ABCC5: variants seen among roughly 807,000 people sequenced by gnomAD.
ABCC5 encodes ATP binding cassette subfamily C member 5, also known as ATP-binding cassette sub-family C member 5.
A neutral mutation model predicts 160.9 loss-of-function variants in ABCC5; 61 were observed. The observed-to-expected ratio is 0.38, with a 90% CI of 0.31 to 0.47. ABCC5 has a LOEUF of 0.47. Among genes scored for constraint, ABCC5 ranks in the 20% least tolerant of loss-of-function variants. ABCC5 has a pLI of 0.99. For missense variants in ABCC5, 1,308 were observed against 1,813.3 expected, an observed-to-expected ratio of 0.72 and a Z score of 5.06; for synonymous variants, 666 against 700.6, an observed-to-expected ratio of 0.95 and a Z score of 0.78.
At chr3:183,972,415 T>C (rs900468076) in intron 10 of ABCC5, among the ~76,000 whole-genome samples, 15 of 152,180 alleles carry the variant, frequency 9.9e-5, no homozygotes, top group African/African-American at 3.1e-4. Flanking sequence ...CAGGCTTACA[T>C]TGCTACCGTC....
At chr3:183,968,357 ACCTCG>A (rs1717420878) in intron 11 of ABCC5, among the ~76,000 whole-genome samples, 2 of 151,766 alleles carry the variant, frequency 1.3e-5, no homozygotes, top group Admixed American at 6.6e-5. Flanking sequence ...TGATCCACCC[ACCTCG>A]GCCTCCCAAA....
chr3:183,926,305 A>C (rs901078335), intron 28 of ABCC5, among the ~76,000 whole-genome samples: 6 of 151,614 alleles, frequency 4.0e-5, no homozygotes, highest in African/African-American at 1.5e-4. Flanking sequence ...TAATCCCAGC[A>C]CTTTGAGAGG....
chr3:183,991,489 G>A (rs1214491250), intron 2 of ABCC5, among the ~76,000 whole-genome samples: 4 of 152,142 alleles, frequency 2.6e-5, no homozygotes, highest in African/African-American at 7.2e-5. Context: ...AGAACTGAAC[G>A]GGTAGAATTT....
intron 2 of ABCC5, among the ~76,000 whole-genome samples, chr3:183,990,232 C>T (rs985006246): frequency 6.6e-6 from 1 of 151,800 alleles, no homozygotes; most frequent in Non-Finnish European, 1.5e-5. Flanking sequence ...TCTCAGCCTC[C>T]GAGTAGGGGG....
intron 2 of ABCC5, among the ~76,000 whole-genome samples, chr3:184,006,101 G>A (rs1218348375): frequency 1.3e-5 from 2 of 151,974 alleles, no homozygotes; most frequent in African/African-American, 4.8e-5. Flanking sequence ...GAGCCCCAGC[G>A]AGCTGTCAAT....
chr3:183,932,298 G>C (rs899141909), intron 26 of ABCC5, among the ~76,000 whole-genome samples: 1 of 152,160 alleles, frequency 6.6e-6, no homozygotes, highest in Non-Finnish European at 1.5e-5. Context: ...GTCAGATTAG[G>C]TGAAAAAAGT....
At chr3:183,986,931 C>T (rs535714220) in intron 5 of ABCC5, 16 of 152,182 alleles carry the variant, frequency 1.1e-4, no homozygotes, top group African/African-American at 3.1e-4. Context: ...CAAGAGGCAT[C>T]AAACGTTAAA....
rs1466487469 is a variant in ABCC5, at chr3:183,942,774, G to A, written c.3647C>T (p.Thr1216Met). 13 of 1,614,002 alleles carry A rather than the reference G, an allele frequency of 8.1e-6. No individual in the cohort carries two copies. The highest frequency in any genetic ancestry group is 2.2e-5 in the East Asian group (1 of 44,896). The change falls in exon 25 of 30, where the codon ACG becomes ATG. Residue 1216 changes from threonine to methionine, a missense_variant. Physicochemically the swap from Thr to Met is moderately conservative, Grantham distance 81. Coordinates refer to ENST00000334444, the MANE Select transcript of ABCC5 (RefSeq NM_005688.4). ...LPLVLKKVSF[T>M]IKPKEKIGIV... is the part of the protein sequence containing the mutation. ...GCCAATCTTCTCTTTAGGTTTGATC[G>A]TGAAGGATACTTTCTTTAGGACGAG...
chr3:183,966,985 A>G (rs1329482288), intron 12 of ABCC5, among the ~76,000 whole-genome samples: 1 of 151,016 alleles, frequency 6.6e-6, no homozygotes, highest in Admixed American at 6.6e-5. Context: ...ATTTAATTCT[A>G]ATGTAAAAGC....
intron 1 of ABCC5, among the ~76,000 whole-genome samples, chr3:184,016,582 T>C (rs1183686940): frequency 1.3e-5 from 2 of 152,242 alleles, no homozygotes; most frequent in African/African-American, 4.8e-5. Context: ...TTTCCCTATC[T>C]TCTCGTGTCC....
intron 18 of ABCC5, 139 bp downstream of exon 18, chr3:183,952,947 T>C (rs1715523540): frequency 1.9e-6 from 2 of 1,048,838 alleles, no homozygotes; most frequent in Admixed American, 2.8e-5. Flanking sequence ...TAGGGACTCA[T>C]CTTTTCATCC....
intron 24 of ABCC5, among the ~76,000 whole-genome samples, chr3:183,943,572 C>T (rs1224166943): frequency 6.6e-6 from 1 of 152,152 alleles, no homozygotes; most frequent in African/African-American, 2.4e-5. Flanking sequence ...CATCAACAAT[C>T]ATATCTCATG....
At position 183,942,773 on chromosome 3, in the gene ABCC5, C is replaced by A. The variant is rs775879277; in HGVS notation, c.3648G>T (p.Thr1216=). The change falls in exon 25 of 30, where the codon ACG becomes ACT. Residue 1216 remains threonine (T), a synonymous_variant. Coordinates refer to ENST00000334444, the MANE Select transcript of ABCC5 (RefSeq NM_005688.4). ...LPLVLKKVSF[T]IKPKEKIGIV... is the part of the protein sequence containing the mutation. Reference sequence around the variant, plus strand: ...TGCCAATCTTCTCTTTAGGTTTGATCGTGAAGGATACTTTCTTTAGGACGA... The same window carrying A: ...TGCCAATCTTCTCTTTAGGTTTGATAGTGAAGGATACTTTCTTTAGGACGA... 5.0e-6 allele frequency: 8 copies of A among 1,614,106 alleles called. No homozygotes were observed. Among genetic ancestry groups the A allele is most frequent in the Admixed American group, 1.7e-5 (1 of 60,002 alleles).
At chr3:183,981,049 G>C (rs1474994953) in intron 8 of ABCC5, among the ~76,000 whole-genome samples, 2 of 152,180 alleles carry the variant, frequency 1.3e-5, no homozygotes, top group African/African-American at 4.8e-5. Flanking sequence ...ATAATGCATT[G>C]ACTGTTTCAC....
At chr3:183,985,619 T>C in intron 5 of ABCC5, 2 of 584,888 alleles carry the variant, frequency 3.4e-6, no homozygotes, top group Non-Finnish European at 6.3e-6. Flanking sequence ...TAATTCTTTA[T>C]ACACAGATCA....
At chr3:184,008,531 A>G (rs117686966) in intron 2 of ABCC5, among the ~76,000 whole-genome samples, 1 of 152,374 alleles carries the variant, frequency 6.6e-6, no homozygotes, top group East Asian at 1.9e-4. Flanking sequence ...GATGCCTGCT[A>G]AGCCTCAAAT....
At chr3:183,930,369 TG>T (rs1713061679) in intron 26 of ABCC5, among the ~76,000 whole-genome samples, 1 of 152,260 alleles carries the variant, frequency 6.6e-6, no homozygotes, top group Admixed American at 6.5e-5. Flanking sequence ...TTTTCCCGCT[TG>T]GAACATGCTC....
chr3:183,964,768 G>A (rs185946817), intron 14 of ABCC5, among the ~76,000 whole-genome samples: 1 of 152,294 alleles, frequency 6.6e-6, no homozygotes, highest in East Asian at 1.9e-4. Flanking sequence ...CTGCTGCAGG[G>A]CAGAGACCCA....
chr3:183,965,700 T>C (rs1227798982), intron 12 of ABCC5, among the ~76,000 whole-genome samples, 199 bp from the exon 13 acceptor site: 2 of 152,208 alleles, frequency 1.3e-5, no homozygotes, highest in Non-Finnish European at 2.9e-5. Flanking sequence ...TTATGTGTGA[T>C]GGGAGCTCAG....
Sources: gnomAD v4.1 joint callset for allele counts (sites outside exome capture counted in the v4.1 genomes callset) on GRCh38, gnomAD v4.1.1 for gene constraint, MANE v1.5 for transcripts, NCBI Gene and HGNC (gene_info 2026-07-23, HGNC 2026-07-21) for gene names.